The following ZDHHC14 variants were observed in gnomAD, a reference collection of about 807,000 sequenced individuals.
The protein encoded by ZDHHC14 is zDHHC palmitoyltransferase 14.
Under a neutral mutation model 47.7 loss-of-function variants are expected in ZDHHC14, and 16 were observed. The observed-to-expected ratio is 0.34, with a 90% CI of 0.23 to 0.51. The LOEUF is 0.51. Ranked by LOEUF, ZDHHC14 falls within the 20% of genes least tolerant of loss-of-function variation. ZDHHC14 has a pLI of 0.97. For missense variants in ZDHHC14, 515 were observed against 662.5 expected, an observed-to-expected ratio of 0.78 and a Z score of 2.44; for synonymous variants, 293 against 278.9, an observed-to-expected ratio of 1.05 and a Z score of -0.50.
chr6:157,645,548 G>C (rs1372793384), intron 5 of ZDHHC14, among the ~76,000 whole-genome samples, 189 bp from the exon 6 acceptor site: 3 of 152,180 alleles, frequency 2.0e-5, no homozygotes, highest in Non-Finnish European at 4.4e-5. Context: ...GACACCCCCT[G>C]CCCTGACGGA....
chr6:157,655,555 A>T (rs533075022), intron 8 of ZDHHC14, among the ~76,000 whole-genome samples: 1 of 152,336 alleles, frequency 6.6e-6, no homozygotes, highest in African/African-American at 2.4e-5. Context: ...TGGCCGCAGC[A>T]TACGTTGATC....
At chr6:157,472,494 A>T (rs1336771347) in intron 1 of ZDHHC14, among the ~76,000 whole-genome samples, 1 of 152,050 alleles carries the variant, frequency 6.6e-6, no homozygotes, top group Admixed American at 6.5e-5. Context: ...AGTGGAGTGG[A>T]GTGGAGTGGA....
intron 1 of ZDHHC14, among the ~76,000 whole-genome samples, chr6:157,480,672 T>G (rs142105156): frequency 1.8e-3 from 275 of 152,318 alleles, no homozygotes; most frequent in African/African-American, 5.6e-3. Context: ...ATGCTCTGGA[T>G]TGGATCAGAT....
intron 1 of ZDHHC14, among the ~76,000 whole-genome samples, chr6:157,396,892 C>T (rs1777533323): frequency 6.6e-6 from 1 of 152,116 alleles, no homozygotes; most frequent in African/African-American, 2.4e-5. Flanking sequence ...AACTGTATGC[C>T]TTTATTGAGC....
At chr6:157,649,905 T>C (rs1777738055) in intron 7 of ZDHHC14, among the ~76,000 whole-genome samples, 1 of 152,210 alleles carries the variant, frequency 6.6e-6, no homozygotes, top group East Asian at 1.9e-4. Context: ...TGGCCACCAT[T>C]GACTGCCCAT....
At chr6:157,647,196 C>G in intron 6 of ZDHHC14, 63 bp from the exon 7 acceptor site, 2 of 1,118,044 alleles carry the variant, frequency 1.8e-6, no homozygotes, top group South Asian at 2.7e-5. Context: ...CATGGTCCAG[C>G]TCACCTCAAC....
chr6:157,397,180 G>A (rs764725598), intron 1 of ZDHHC14, among the ~76,000 whole-genome samples: 22 of 152,214 alleles, frequency 1.4e-4, no homozygotes, highest in Non-Finnish European at 2.8e-4. Context: ...CCAGTCAAGC[G>A]TAAAGGGGGA....
chr6:157,394,674 A>G (rs1274855823), intron 1 of ZDHHC14, among the ~76,000 whole-genome samples: 2 of 152,232 alleles, frequency 1.3e-5, no homozygotes, highest in Admixed American at 6.5e-5. Context: ...TGGAGCAGAT[A>G]TGAGCAGTTC....
At chr6:157,640,203 T>C (rs186239427) in intron 5 of ZDHHC14, among the ~76,000 whole-genome samples, 95 of 152,320 alleles carry the variant, frequency 6.2e-4, no homozygotes, top group African/African-American at 2.1e-3. Flanking sequence ...TAACATCCAA[T>C]TAAAGGGATT....
chr6:157,612,361 G>C (rs564993846), intron 3 of ZDHHC14, among the ~76,000 whole-genome samples: 2 of 152,150 alleles, frequency 1.3e-5, no homozygotes, highest in East Asian at 3.9e-4. Flanking sequence ...TCATCACTAT[G>C]GGAAGGAGGC....
intron 5 of ZDHHC14, 151 bp from the exon 6 acceptor site, chr6:157,645,586 C>T (rs916362596): frequency 6.2e-5 from 38 of 612,116 alleles, no homozygotes; most frequent in Non-Finnish European, 1.7e-5. Context: ...ACGAAATTCC[C>T]GGAAGAGCAG....
chr6:157,564,091 T>G (rs1782813812), intron 2 of ZDHHC14, among the ~76,000 whole-genome samples: 1 of 152,232 alleles, frequency 6.6e-6, no homozygotes, highest in Admixed American at 6.5e-5. Context: ...GTATTTCTCC[T>G]TAGTGAAATT....
chr6:157,517,618 A>G (rs1421287360), intron 1 of ZDHHC14, among the ~76,000 whole-genome samples: 1 of 152,056 alleles, frequency 6.6e-6, no homozygotes, highest in Non-Finnish European at 1.5e-5. Flanking sequence ...GCCTTAAAGT[A>G]TCTCTTAAGC....
chr6:157,554,227 C>T (rs1336124892), intron 2 of ZDHHC14, among the ~76,000 whole-genome samples: 1 of 152,148 alleles, frequency 6.6e-6, no homozygotes, highest in African/African-American at 2.4e-5. Flanking sequence ...GGGAGTGGTT[C>T]TTTACATTCA....
chr6:157,416,489 C>A (rs762413696), intron 1 of ZDHHC14, among the ~76,000 whole-genome samples: 2 of 151,140 alleles, frequency 1.3e-5, no homozygotes, highest in Admixed American at 6.6e-5. Context: ...ACGGTGAGAC[C>A]TTCTATCAAA....
chr6:157,418,104 G>T (rs979357672), intron 1 of ZDHHC14, among the ~76,000 whole-genome samples: 3 of 152,162 alleles, frequency 2.0e-5, no homozygotes, highest in African/African-American at 7.2e-5. Flanking sequence ...GACTCCAGGG[G>T]ACACATCCAG....
intron 1 of ZDHHC14, among the ~76,000 whole-genome samples, chr6:157,458,885 G>A (rs1276870246): frequency 1.2e-4 from 7 of 59,418 alleles, no homozygotes; most frequent in Admixed American, 1.0e-3. Context: ...ACGGAGTTTC[G>A]CTCTTGTTGC....
chr6:157,491,910 C>T (rs145698717), intron 1 of ZDHHC14, among the ~76,000 whole-genome samples: 3,118 of 152,344 alleles, frequency 0.02, 124 homozygotes, highest in African/African-American at 0.071. Flanking sequence ...CGAATTACGT[C>T]TTGTGCGGAT....
intron 2 of ZDHHC14, among the ~76,000 whole-genome samples, chr6:157,574,225 C>T (rs755845538): frequency 2.6e-5 from 4 of 151,504 alleles, no homozygotes; most frequent in Non-Finnish European, 5.9e-5. Context: ...GAGTTTGAGA[C>T]CAGCCTGGCC....
Sources: gnomAD v4.1 joint callset for allele counts (sites outside exome capture counted in the v4.1 genomes callset) on GRCh38, gnomAD v4.1.1 for gene constraint, MANE v1.5 for transcripts, NCBI Gene and HGNC (gene_info 2026-07-23, HGNC 2026-07-21) for gene names.